ASTN2: variants seen among roughly 807,000 people sequenced by gnomAD.
ASTN2 encodes astrotactin 2.
ASTN2 carries 54 observed loss-of-function variants against 139.8 expected under a neutral mutation model. The observed-to-expected ratio is 0.39, with a 90% confidence interval of 0.31 to 0.48. The LOEUF (loss-of-function observed/expected upper bound fraction) is 0.48, where lower values mean the gene tolerates loss of function less well. Ranked by LOEUF, ASTN2 falls within the 20% of genes least tolerant of loss-of-function variation. The pLI is 0.95. For missense variants in ASTN2, 1,565 were observed against 1,725.1 expected (o/e 0.91, Z 1.64); for synonymous variants, 756 against 719.5 (o/e 1.05, Z -0.81).
chr9:116,617,102 T>C lies in ASTN2; in HGVS notation c.3355+1222A>G, dbSNP rs1255005516. 1.1e-4 allele frequency among the ~76,000 whole-genome samples: 16 copies of C among 152,166 alleles called. 1 individual carries two copies. In the South Asian group the frequency reaches 3.3e-3, roughly 32 times the overall value. On this transcript the variant is annotated intron_variant, in intron 19 of 22. Transcript: ENST00000313400. ...GTCAATAATGTGGAAAAAGCCACAT[T>C]AATCCCAGGAAACCTATTAGCAGCC...
intron 11 of ASTN2, among the ~76,000 whole-genome samples, chr9:116,857,327 C>G (rs1277627202): frequency 1.3e-5 from 2 of 152,164 alleles, no homozygotes; most frequent in African/African-American, 4.8e-5. Context: ...CGTATGACCA[C>G]TCTTTTCTCT....
At chr9:116,691,962 G>A (rs943347840) in intron 16 of ASTN2, among the ~76,000 whole-genome samples, 1 of 152,190 alleles carries the variant, frequency 6.6e-6, no homozygotes, top group Non-Finnish European at 1.5e-5. Context: ...GAAAGGAAAT[G>A]CAATATTTTA....
At position 116,954,335 on chromosome 9, in the gene ASTN2, C is replaced by T. The variant is rs140893552; in HGVS notation, c.1889+20873G>A. 9.0e-3 allele frequency among the ~76,000 whole-genome samples: 1,375 copies of T among 152,310 alleles called. 14 individuals are homozygous for T. Among genetic ancestry groups the T allele is most frequent in the Non-Finnish European group, 0.013 (859 of 68,032 alleles). ...ATGTTTCTTAATATTGAATGTGCAA[C>T]TAAATCACCTGGGGATCCTGTTAAA... is the stretch of plus-strand genomic sequence containing the variant. On this transcript the variant is annotated intron_variant, in intron 10 of 22. Coordinates refer to ENST00000313400, the MANE Select transcript of ASTN2 (RefSeq NM_001365068.1).
chr9:117,304,820 A>C (rs1413752053), intron 1 of ASTN2, among the ~76,000 whole-genome samples: 1 of 152,186 alleles, frequency 6.6e-6, no homozygotes, highest in Non-Finnish European at 1.5e-5. Flanking sequence ...AGTCCAATTT[A>C]GGCCGGCCAC....
chr9:117,361,896 T>G (rs1482062036), intron 1 of ASTN2, among the ~76,000 whole-genome samples: 1 of 152,214 alleles, frequency 6.6e-6, no homozygotes, highest in Non-Finnish European at 1.5e-5. Flanking sequence ...AGATAACATG[T>G]ACACAGTGAA....
intron 3 of ASTN2, among the ~76,000 whole-genome samples, chr9:117,161,177 T>C (rs1228515428): frequency 1.3e-5 from 2 of 152,022 alleles, no homozygotes; most frequent in Non-Finnish European, 2.9e-5. Flanking sequence ...AGGATGATGA[T>C]GATGGTGGTG....
intron 5 of ASTN2, among the ~76,000 whole-genome samples, chr9:117,040,659 A>G (rs910717986): frequency 1.3e-5 from 2 of 152,112 alleles, no homozygotes; most frequent in Non-Finnish European, 2.9e-5. Flanking sequence ...GGTTTTCACC[A>G]TGTTGGCCAG....
chr9:116,852,577 C>T (rs989795418), intron 11 of ASTN2, among the ~76,000 whole-genome samples: 1 of 152,014 alleles, frequency 6.6e-6, no homozygotes, highest in South Asian at 2.1e-4. Flanking sequence ...TTCAAAATAC[C>T]TGGGCTAGTG....
At chr9:116,801,564 C>A (rs1224295364) in intron 13 of ASTN2, among the ~76,000 whole-genome samples, 3 of 104,296 alleles carry the variant, frequency 2.9e-5, no homozygotes, top group African/African-American at 3.7e-5. Context: ...CCAGCCCAGG[C>A]AACAGTGTGA....
chr9:117,293,748 G>A (rs1483914054), intron 1 of ASTN2, among the ~76,000 whole-genome samples: 1 of 152,204 alleles, frequency 6.6e-6, no homozygotes, highest in Non-Finnish European at 1.5e-5. Flanking sequence ...GCCAAGGCAA[G>A]GTGAAGACAT....
At chr9:117,078,425 A>G (rs1828336346) in intron 5 of ASTN2, among the ~76,000 whole-genome samples, 1 of 152,166 alleles carries the variant, frequency 6.6e-6, no homozygotes, top group African/African-American at 2.4e-5. Context: ...ACTCCAAAGC[A>G]CCTCAGCCAT....
rs1362479753 is a variant in ASTN2 at position 116,637,845 on chromosome 9, T to C, written c.3072+13683A>G. Among the ~76,000 whole-genome samples the C allele has an allele frequency of 2.0e-5, 3 of 152,102 alleles. No homozygotes were observed. In the East Asian group the frequency reaches 5.8e-4, roughly 30 times the overall value. ...GTCCCAGCTACTTGAGAGGCTGAGG[T>C]TGGAGGATCGCTTGAGCCAGGGAGA... is the stretch of plus-strand genomic sequence containing the variant. On this transcript the variant is annotated intron_variant, in intron 17 of 22. Transcript: ENST00000313400.
At chr9:117,021,347 C>T (rs904141782) in intron 6 of ASTN2, among the ~76,000 whole-genome samples, 1 of 152,074 alleles carries the variant, frequency 6.6e-6, no homozygotes, top group Non-Finnish European at 1.5e-5. Flanking sequence ...GCTATCAAAC[C>T]TAATTGTCCT....
chr9:116,480,892 G>T (rs190789777), intron 20 of ASTN2, among the ~76,000 whole-genome samples: 1 of 152,298 alleles, frequency 6.6e-6, no homozygotes, highest in East Asian at 1.9e-4. Context: ...TATGGTGTCA[G>T]CAGAGGCCAT....
In ASTN2 at chr9:117,302,634, C is replaced by T. The variant is rs540769885; in HGVS notation, c.443-11121G>A. Among the ~76,000 whole-genome samples, 13 of 152,234 alleles carry T rather than the reference C, an allele frequency of 8.5e-5. No homozygotes were observed. In the South Asian group the frequency reaches 2.7e-3, roughly 32 times the overall value. ...CCACACCCCAACCCAGGGGACTCAG[C>T]ATCTGAATGCCACATGCATGGATTC... is the stretch of plus-strand genomic sequence containing the variant. On this transcript the variant is annotated intron_variant, in intron 1 of 22. Transcript: ENST00000313400.
At chr9:117,052,514 G>A (rs1043433183) in intron 5 of ASTN2, among the ~76,000 whole-genome samples, 14 of 151,306 alleles carry the variant, frequency 9.3e-5, no homozygotes, top group Non-Finnish European at 1.6e-4. Flanking sequence ...TCAGTGAATA[G>A]TAAATTTCAT....
intron 13 of ASTN2, among the ~76,000 whole-genome samples, chr9:116,785,907 T>C (rs536296730): frequency 6.6e-6 from 1 of 152,218 alleles, no homozygotes; most frequent in Non-Finnish European, 1.5e-5. Context: ...GCTCAAATAA[T>C]GCACTAGCTT....
At chr9:117,392,137 A>G (rs1830558227) in intron 1 of ASTN2, among the ~76,000 whole-genome samples, 1 of 152,188 alleles carries the variant, frequency 6.6e-6, no homozygotes, top group Non-Finnish European at 1.5e-5. Flanking sequence ...TGGATTGGGA[A>G]GGCCTGACGG....
chr9:116,471,485 C>A (rs1848810596), intron 20 of ASTN2, among the ~76,000 whole-genome samples: 1 of 152,170 alleles, frequency 6.6e-6, no homozygotes, highest in East Asian at 1.9e-4. Context: ...TCAGTCCTGA[C>A]CCAGCCAGGG....
Sources: allele counts gnomAD v4.1 joint callset (sites outside exome capture counted in the v4.1 genomes callset), GRCh38; gene constraint gnomAD v4.1.1; transcripts MANE v1.5; gene names NCBI Gene and HGNC (gene_info 2026-07-23, HGNC 2026-07-21).